The following TASP1 variants were observed in gnomAD, a reference collection of about 807,000 sequenced individuals.
The protein encoded by TASP1 is taspase 1, also known as threonine aspartase 1.
TASP1 carries 16 observed loss-of-function variants against 56.6 expected under a neutral mutation model. The ratio of observed to expected loss-of-function variants is 0.28; its 90% CI spans 0.19 to 0.43. The LOEUF (loss-of-function observed/expected upper bound fraction) is 0.43, where lower values mean the gene tolerates loss of function less well. Among genes scored for constraint, TASP1 ranks in the 20% least tolerant of loss-of-function variants. The pLI, the probability that TASP1 is intolerant of heterozygous loss-of-function variation, is 1.00. For synonymous variants in TASP1, 179 were observed against 184.2 expected (o/e 0.97, Z 0.23); for missense variants, 393 against 511.6 (o/e 0.77, Z 2.24).
the TASP1 span, among the ~76,000 whole-genome samples, chr20:13,222,515 C>A: frequency 5.9e-5 from 9 of 152,228 alleles, no homozygotes; most frequent in Admixed American, 5.2e-4. Flanking sequence ...CCCTTGTGCC[C>A]CCTTGGTCAT....
At chr20:13,426,684 T>G (rs1448813613) in intron 12 of TASP1, among the ~76,000 whole-genome samples, 1 of 152,160 alleles carries the variant, frequency 6.6e-6, no homozygotes, top group Non-Finnish European at 1.5e-5. Flanking sequence ...CACTACTTCA[T>G]CAGATTAATG....
chr20:13,612,491 A>AACACACACACACAC (rs34343791), intron 4 of TASP1, among the ~76,000 whole-genome samples: 13 of 144,100 alleles, frequency 9.0e-5, no homozygotes, highest in East Asian at 8.2e-4. Flanking sequence ...ATTTGTAGCA[A>AACACACACACACAC]ACACACACAC....
At chr20:13,385,175 G>A (rs2041155283), downstream of TASP1, among the ~76,000 whole-genome samples, 1 of 152,252 alleles carries the variant, frequency 6.6e-6, no homozygotes, top group East Asian at 1.9e-4. Context: ...CGTGACACAG[G>A]ACACTGTTCT....
At chr20:13,113,717 G>T in the TASP1 span, among the ~76,000 whole-genome samples, 1 of 152,192 alleles carries the variant, frequency 6.6e-6, no homozygotes, top group Non-Finnish European at 1.5e-5. Context: ...ATAAGCTAGT[G>T]TTGGCAGAGG....
the TASP1 span, chr20:13,126,505 A>C: frequency 6.8e-7 from 1 of 1,469,168 alleles, no homozygotes; most frequent in Admixed American, 2.1e-5. Context: ...TTTTGCTATG[A>C]GGATAGGGAT....
the TASP1 span, among the ~76,000 whole-genome samples, chr20:13,260,649 G>C: frequency 6.6e-6 from 1 of 150,760 alleles, no homozygotes; most frequent in East Asian, 2.0e-4. Context: ...TCCAGAACAA[G>C]TGTCTCTTTA....
the TASP1 span, among the ~76,000 whole-genome samples, chr20:13,274,877 G>T: frequency 6.6e-6 from 1 of 152,244 alleles, no homozygotes; most frequent in South Asian, 2.1e-4. Flanking sequence ...AACAAAAATG[G>T]TCTCAGACTA....
At chr20:13,172,083 C>T in the TASP1 span, among the ~76,000 whole-genome samples, 3,039 of 151,704 alleles carry the variant, frequency 0.02, 55 homozygotes, top group South Asian at 0.031. Context: ...AAATGTAAAA[C>T]GACAAAGAGG....
chr20:13,457,457 A>C (rs1347577540), intron 11 of TASP1, among the ~76,000 whole-genome samples: 1 of 152,104 alleles, frequency 6.6e-6, no homozygotes, highest in Non-Finnish European at 1.5e-5. Flanking sequence ...TTTTGTAAGA[A>C]AGAAATAAAA....
the TASP1 span, among the ~76,000 whole-genome samples, chr20:13,210,417 T>C: frequency 1.3e-5 from 2 of 152,178 alleles, no homozygotes; most frequent in South Asian, 2.1e-4. Flanking sequence ...TGTCCAAAAA[T>C]AGAGCTTAGG....
intron 10 of TASP1, among the ~76,000 whole-genome samples, chr20:13,484,390 A>G (rs2043247465): frequency 6.6e-6 from 1 of 152,208 alleles, no homozygotes; most frequent in Admixed American, 6.5e-5. Context: ...CACAATAGCA[A>G]AGACTTGGAA....
At chr20:13,214,562 C>CAGAGAGAGAGAGAGAGAGAG in the TASP1 span, among the ~76,000 whole-genome samples, 4 of 111,290 alleles carry the variant, frequency 3.6e-5, no homozygotes, top group African/African-American at 1.3e-4. Flanking sequence ...CACACACACA[C>CAGAGAGAGAGAGAGAGAGAG]AGAGAGAGAG....
At chr20:13,338,840 T>A in the TASP1 span, among the ~76,000 whole-genome samples, 9 of 152,178 alleles carry the variant, frequency 5.9e-5, no homozygotes, top group Non-Finnish European at 4.4e-5. Context: ...GTTCCAAATC[T>A]GGTCTTACAG....
chr20:13,318,887 T>C, the TASP1 span, among the ~76,000 whole-genome samples: 1 of 152,146 alleles, frequency 6.6e-6, no homozygotes. Context: ...AAGGGATAAA[T>C]AGGCAGAGCA....
At position 13,517,516 on chromosome 20, in the gene TASP1, C is replaced by T. The variant is rs141479830; in HGVS notation, c.874+10917G>A. Among the ~76,000 whole-genome samples, 741 of 151,976 alleles carry T rather than the reference C, an allele frequency of 4.9e-3. 4 individuals are homozygous for T. Among genetic ancestry groups the T allele is most frequent in the African/African-American group, 0.016 (659 of 41,450 alleles). Reference sequence around the variant, plus strand: ...CTTTTGTTTAATGGCAAAAATCCACCGAAAATATTAATAGTGACTACCACA... The same window carrying T: ...CTTTTGTTTAATGGCAAAAATCCACTGAAAATATTAATAGTGACTACCACA... On this transcript the variant is annotated intron_variant, in intron 10 of 13. Transcript: ENST00000337743.
chr20:13,224,707 T>C, the TASP1 span, among the ~76,000 whole-genome samples: 1 of 152,176 alleles, frequency 6.6e-6, no homozygotes, highest in African/African-American at 2.4e-5. Flanking sequence ...AAGGGACACA[T>C]TCTTATTTAA....
At chr20:13,356,969 G>A in the TASP1 span, among the ~76,000 whole-genome samples, 2 of 152,148 alleles carry the variant, frequency 1.3e-5, no homozygotes, top group African/African-American at 4.8e-5. Flanking sequence ...TGTTAGCTTG[G>A]CAGTCTTGCT....
the TASP1 span, among the ~76,000 whole-genome samples, chr20:13,123,105 C>A: frequency 3.2e-4 from 48 of 152,178 alleles, 1 homozygote; most frequent in East Asian, 3.9e-3. Flanking sequence ...CCAAGGCCGG[C>A]GGATTACCAG....
chr20:13,115,781 T>C, the TASP1 span, among the ~76,000 whole-genome samples: 5 of 152,150 alleles, frequency 3.3e-5, no homozygotes, highest in Non-Finnish European at 5.9e-5. Flanking sequence ...ATGCCCATCA[T>C]GGATCAGGTA....
Sources: gnomAD v4.1 joint callset for allele counts (sites outside exome capture counted in the v4.1 genomes callset) on GRCh38, gnomAD v4.1.1 for gene constraint, MANE v1.5 for transcripts, NCBI Gene and HGNC (gene_info 2026-07-23, HGNC 2026-07-21) for gene names.